Variants in HSPBP1 observed in about 807,000 individuals in gnomAD.
HSPBP1 encodes hsp70-binding protein 1.
In HSPBP1, 31 loss-of-function variants were observed where a neutral mutation model predicts 41.7. The observed-to-expected ratio is 0.74, with a 90% CI of 0.56 to 1.00. The LOEUF (loss-of-function observed/expected upper bound fraction) is 1.00, where lower values mean the gene tolerates loss of function less well. Among genes scored for constraint, HSPBP1 ranks in the 50% least tolerant of loss-of-function variants. The pLI, the probability that HSPBP1 is intolerant of heterozygous loss-of-function variation, is 0.00. For synonymous variants in HSPBP1, 199 were observed against 214.4 expected (o/e 0.93, Z 0.63); for missense variants, 439 against 487.9 (o/e 0.90, Z 0.94).
At chr19:55,275,847 G>T (rs909964197) in intron 3 of HSPBP1, among the ~76,000 whole-genome samples, 2 of 151,556 alleles carry the variant, frequency 1.3e-5, no homozygotes, top group African/African-American at 4.9e-5. Context: ...ACTCAGAAGG[G>T]CAAGGCAGGA....
At chr19:55,271,382 C>G (rs1435869055) in intron 4 of HSPBP1, among the ~76,000 whole-genome samples, 1 of 151,986 alleles carries the variant, frequency 6.6e-6, no homozygotes, top group African/African-American at 2.4e-5. Flanking sequence ...CTAAAGACTT[C>G]TTTTTTAATG....
rs946783947 is a variant in HSPBP1, at chr19:55,268,900, G to T, written c.641-2614C>A. 1.3e-5 allele frequency among the ~76,000 whole-genome samples: 2 copies of T among 152,040 alleles called. No individual in the cohort carries two copies. Among genetic ancestry groups the T allele is most frequent in the African/African-American group, 4.8e-5 (2 of 41,388 alleles). ...TGGCCAGGCTGGTCTTGAGCTCCTGGCTTCAAGTGATCCACCTGTCTCGGC... is the reference window on the plus strand; with the variant it reads ...TGGCCAGGCTGGTCTTGAGCTCCTGTCTTCAAGTGATCCACCTGTCTCGGC... On this transcript the variant is annotated intron_variant, in intron 4 of 7. Coordinates refer to ENST00000433386, the MANE Select transcript of HSPBP1 (RefSeq NM_012267.5). This position sits in a 1 kb window ranked among gnomAD's most constrained non-coding sequence, Gnocchi z 4.5.
chr19:55,276,791 G>A (rs1013504416), intron 3 of HSPBP1, among the ~76,000 whole-genome samples: 1 of 152,116 alleles, frequency 6.6e-6, no homozygotes, highest in African/African-American at 2.4e-5. Flanking sequence ...GGTGCTGCAT[G>A]CGCTCACAGA....
At chr19:55,271,950 T>C (rs2122850571) in intron 4 of HSPBP1, among the ~76,000 whole-genome samples, 1 of 151,938 alleles carries the variant, frequency 6.6e-6, no homozygotes, top group East Asian at 1.9e-4. Flanking sequence ...TAAACCCAGG[T>C]ACTTGGGAGG....
intron 4 of HSPBP1, among the ~76,000 whole-genome samples, chr19:55,269,375 C>A (rs1386662664): frequency 2.0e-5 from 3 of 152,124 alleles, no homozygotes; most frequent in Admixed American, 1.3e-4. Context: ...ATCACCATAA[C>A]CCCCCAGCTC....
At chr19:55,271,445 C>T (rs958928928) in intron 4 of HSPBP1, among the ~76,000 whole-genome samples, 21 of 152,320 alleles carry the variant, frequency 1.4e-4, no homozygotes, top group Middle Eastern at 3.4e-3. Flanking sequence ...CTCTGGCCCT[C>T]GGGACACCAT....
Position 55,270,737 on chromosome 19 carries a change from C to T in HSPBP1, c.640+3661G>A, listed in dbSNP as rs2087902172. Among the ~76,000 whole-genome samples the T allele has an allele frequency of 6.6e-6, 1 of 150,754 alleles. No homozygotes were observed. The highest frequency in any genetic ancestry group is 1.5e-5 in the Non-Finnish European group (1 of 67,656). ...CACCACACACCCCGTATACACACAC[C>T]ACATCCACACATCCCACACACGCCA... is the stretch of plus-strand genomic sequence containing the variant. On this transcript the variant is annotated intron_variant, in intron 4 of 7. Transcript: ENST00000433386. The surrounding 1 kb of genome is among the most constrained non-coding windows in gnomAD (Gnocchi z 5.4).
chr19:55,277,935 G>C, intron 2 of HSPBP1, 89 bp from the exon 3 acceptor site: 1 of 1,058,576 alleles, frequency 9.4e-7, no homozygotes, highest in Non-Finnish European at 1.3e-6. Flanking sequence ...CAACAACTGA[G>C]GGCTGATGTT....
In HSPBP1 at chr19:55,274,533, T is replaced by TC. The variant is rs2088017979; in HGVS notation, c.504_505insG (p.Ile169AspfsTer23). The TC allele has an allele frequency of 1.2e-6, 2 of 1,608,666 alleles. No individual in the cohort carries two copies. Among genetic ancestry groups the TC allele is most frequent in the Non-Finnish European group, 1.7e-6 (2 of 1,179,404 alleles). On this transcript the variant is annotated frameshift_variant, in exon 4 of 8. Transcript: ENST00000433386. LOFTEE classifies it high-confidence loss of function. ...GCCACGTTCTGACTGCACGTGCCGA[T>TC]GAGCTGTGCCGCCCGCCACCGCAGT... is the stretch of plus-strand genomic sequence containing the variant.
Position 55,274,489 on chromosome 19 carries a change from C to G in HSPBP1, c.549G>C (p.Val183=), listed in dbSNP as rs1443300811. ...GCTTACGCAGGGCACCCAGGCCCAG[C>G]ACCTGCTCCTGGATGGCTGCCACGT... is the stretch of plus-strand genomic sequence containing the variant. The part of the protein sequence containing the change: ...SQNVAAIQEQ[V]LGLGALRKLL... The change falls in exon 4 of 8, where the codon GTG becomes GTC. Residue 183 remains valine (V), a synonymous_variant. Transcript: ENST00000433386. The G allele has an allele frequency of 6.3e-7, 1 of 1,591,732 alleles. No individual in the cohort carries two copies. Among genetic ancestry groups the G allele is most frequent in the East Asian group, 2.3e-5 (1 of 43,876 alleles).
chr19:55,274,585 G>A lies in HSPBP1; in HGVS notation c.453C>T (p.Gly151=). 6.2e-7 allele frequency: 1 copy of A among 1,608,124 alleles called. No individual in the cohort carries two copies. The highest frequency in any genetic ancestry group is 8.5e-7 in the Non-Finnish European group (1 of 1,179,500). ...CQLSGMHLLV[G]RYLEAGAAGL... The stretch of plus-strand genomic sequence containing the variant: ...CCGCAGCCCCCGCCTCCAGGTACCG[G>A]CCCACCAGCAGGTGCATGCCAGACA... The change falls in exon 4 of 8, where the codon GGC becomes GGT. Residue 151 remains glycine, a synonymous_variant. Transcript: ENST00000433386.
chr19:55,268,051 T>G lies in HSPBP1; in HGVS notation c.641-1765A>C, dbSNP rs545071800. Among the ~76,000 whole-genome samples, 3 of 152,358 alleles carry G rather than the reference T, an allele frequency of 2.0e-5. No homozygotes were observed. Among genetic ancestry groups the G allele is most frequent in the South Asian group, 4.1e-4 (2 of 4,830 alleles). ...ACACCTGATATGTGGCCAGTGCAAC[T>G]AAGGAAAAGAGTTGTTCATTTCATT... On this transcript the variant is annotated intron_variant, in intron 4 of 7. Transcript: ENST00000433386. The surrounding 1 kb of genome is among the most constrained non-coding windows in gnomAD (Gnocchi z 4.5).
At chr19:55,265,459 G>T (rs887285376) in intron 6 of HSPBP1, 70 bp from the exon 7 acceptor site, 1 of 1,154,212 alleles carries the variant, frequency 8.7e-7, no homozygotes, top group Non-Finnish European at 1.3e-6. Context: ...CCTATCGCCC[G>T]CCCCGTCCCC....
At chr19:55,276,104 C>CA (rs59561808) in intron 3 of HSPBP1, among the ~76,000 whole-genome samples, 36,686 of 65,612 alleles carry the variant, frequency 0.56, 9,143 homozygotes, top group East Asian at 0.79. Flanking sequence ...GAGACTGACT[C>CA]AAAAAAAAAA....
chr19:55,271,496 T>C (rs2087923057), intron 4 of HSPBP1, among the ~76,000 whole-genome samples: 1 of 152,220 alleles, frequency 6.6e-6, no homozygotes. Context: ...GCCCCATGTC[T>C]GTCTGTCCCT....
At position 55,274,389 on chromosome 19, in the gene HSPBP1, G is replaced by T; in HGVS notation, c.640+9C>A. On this transcript the variant is annotated intron_variant, in intron 4 of 7. Transcript: ENST00000433386. ...GCACCCCTGTCCCCAGCCCCACCCG[G>T]ACACTCACAGGAGATGGCGAAGAGG... is the stretch of plus-strand genomic sequence containing the variant. The T allele has an allele frequency of 1.4e-6, 1 of 696,772 alleles. No homozygotes were observed. 43.2% of individuals were successfully genotyped at this position (696,772 alleles called of 1,614,324 possible).
intron 4 of HSPBP1, among the ~76,000 whole-genome samples, chr19:55,269,115 GGGTTTCTCCACCT>G (rs2122833917): frequency 6.6e-6 from 1 of 152,208 alleles, no homozygotes; most frequent in African/African-American, 2.4e-5. Flanking sequence ...CTTTACGCCA[GGGTTTCTCCACCT>G]GGGCACGGTT....
chr19:55,275,623 G>T (rs913280309), intron 3 of HSPBP1, among the ~76,000 whole-genome samples: 1 of 151,616 alleles, frequency 6.6e-6, no homozygotes, highest in Non-Finnish European at 1.5e-5. Context: ...AGCAAAACAG[G>T]GTTTTTGCTA....
Position 55,274,446 on chromosome 19 carries a change from G to C in HSPBP1, c.592C>G (p.Arg198Gly). The C allele has an allele frequency of 6.3e-7, 1 of 1,585,880 alleles. No individual in the cohort carries two copies. The highest frequency in any genetic ancestry group is 8.5e-7 in the Non-Finnish European group (1 of 1,171,076). Residue 198 changes from arginine (R) to glycine (G), a missense_variant, in exon 4 of 8, where the codon CGC becomes GGC. Physicochemically the swap from Arg to Gly is moderately radical, Grantham distance 125. Transcript: ENST00000433386. ...ACGCGCACCGTGTCGCAGGCGTCGCGGTCCAGCAGCCGCAGCAGCTTACGC... is the reference window on the plus strand; with the variant it reads ...ACGCGCACCGTGTCGCAGGCGTCGCCGTCCAGCAGCCGCAGCAGCTTACGC... The part of the protein sequence containing the change: ...ALRKLLRLLD[R>G]DACDTVRVKA...
Sources: allele counts gnomAD v4.1 joint callset (sites outside exome capture counted in the v4.1 genomes callset), GRCh38; gene constraint gnomAD v4.1.1; non-coding constraint Gnocchi (gnomAD v3.1); transcripts MANE v1.5; gene names NCBI Gene and HGNC (gene_info 2026-07-23, HGNC 2026-07-21).